Variants in DLG2 observed in about 807,000 individuals in gnomAD.
The protein encoded by DLG2 is disks large homolog 2.
Under a neutral mutation model 132.5 loss-of-function variants are expected in DLG2, and 45 were observed. The ratio of observed to expected loss-of-function variants is 0.34; its 90% CI spans 0.27 to 0.44. DLG2 has a LOEUF of 0.44. Among genes scored for constraint, DLG2 ranks in the 20% least tolerant of loss-of-function variants. The pLI is 1.00. For missense variants in DLG2, 1,045 were observed against 1,196.9 expected (o/e 0.87, Z 1.87); for synonymous variants, 424 against 419.6 (o/e 1.01, Z -0.13).
intron 3 of DLG2, among the ~76,000 whole-genome samples, chr11:85,514,369 G>C (rs2094134974): frequency 6.6e-6 from 1 of 151,984 alleles, no homozygotes; most frequent in Non-Finnish European, 1.5e-5. Flanking sequence ...ATGCCAACTG[G>C]CAATATCTGT....
Position 83,789,550 on chromosome 11 carries a change from CT to C in DLG2, c.1723-2759del, listed in dbSNP as rs200050358. On this transcript the variant is annotated intron_variant, in intron 17 of 27. Transcript: ENST00000376104. Reference sequence around the variant, plus strand: ...TCCCCACCCCTAAACAAACTGATGACTTTTTTTTTTTTTTTGAGACGAAGTC... The same window carrying C: ...TCCCCACCCCTAAACAAACTGATGACTTTTTTTTTTTTTTGAGACGAAGTC... Among the ~76,000 whole-genome samples, 1,007 of 143,860 alleles carry C rather than the reference CT, an allele frequency of 7.0e-3. 8 individuals carry two copies. The highest frequency in any genetic ancestry group is 0.017 in the African/African-American group (655 of 39,424). The allele number at this position is 143,860 out of a possible 152,430, so 94.4% of individuals were successfully genotyped here.
At chr11:84,401,331 T>C (rs2098828674) in intron 7 of DLG2, among the ~76,000 whole-genome samples, 1 of 152,140 alleles carries the variant, frequency 6.6e-6, no homozygotes. Context: ...TTATACACTT[T>C]TCACAACTTA....
intron 6 of DLG2, among the ~76,000 whole-genome samples, chr11:84,702,598 C>G (rs2059325135): frequency 6.6e-6 from 1 of 151,646 alleles, no homozygotes; most frequent in African/African-American, 2.4e-5. Context: ...TGTCTCAAAG[C>G]ACTTCTCACT....
At chr11:83,676,915 C>T (rs920572844) in intron 18 of DLG2, among the ~76,000 whole-genome samples, 5 of 152,100 alleles carry the variant, frequency 3.3e-5, no homozygotes, top group East Asian at 3.9e-4. Context: ...GCACTTGGCA[C>T]GTGGTCCATG....
At chr11:83,690,194 G>T (rs2080728033) in intron 18 of DLG2, among the ~76,000 whole-genome samples, 1 of 150,750 alleles carries the variant, frequency 6.6e-6, no homozygotes, top group African/African-American at 2.4e-5. Flanking sequence ...TACCACTGGG[G>T]TGCGTATAAT....
chr11:83,916,514 C>G (rs1476391069), intron 15 of DLG2, among the ~76,000 whole-genome samples: 2 of 152,022 alleles, frequency 1.3e-5, no homozygotes, highest in Admixed American at 6.6e-5. Context: ...TGGGGTTTCA[C>G]CATGTTGGCC....
At chr11:84,903,829 A>G (rs2091200477) in intron 6 of DLG2, among the ~76,000 whole-genome samples, 1 of 152,162 alleles carries the variant, frequency 6.6e-6, no homozygotes, top group Non-Finnish European at 1.5e-5. Context: ...TAATGATTAA[A>G]GGCAAGTTAC....
chr11:83,615,134 A>G (rs2060617395), intron 19 of DLG2, among the ~76,000 whole-genome samples: 1 of 152,178 alleles, frequency 6.6e-6, no homozygotes, highest in Admixed American at 6.5e-5. Flanking sequence ...AAGTTTAGGA[A>G]GCACCATTAC....
chr11:84,854,963 A>G (rs1365138762), intron 6 of DLG2, among the ~76,000 whole-genome samples: 2 of 151,978 alleles, frequency 1.3e-5, no homozygotes, highest in Non-Finnish European at 2.9e-5. Context: ...AAACCTCTCT[A>G]AGTATCTACC....
Position 84,857,364 on chromosome 11 carries a change from T to C in DLG2, c.357+254297A>G, listed in dbSNP as rs530018409. On this transcript the variant is annotated intron_variant, in intron 6 of 27. Coordinates refer to ENST00000376104, the MANE Select transcript of DLG2 (RefSeq NM_001142699.3). ...GTAAGATCAAGGCAACACATGATTA[T>C]GCAAAATAGCTAGCACAGTGAGTCC... 4.6e-5 allele frequency among the ~76,000 whole-genome samples: 7 copies of C among 151,402 alleles called. No individual in the cohort carries two copies. In the South Asian group the frequency reaches 1.5e-3, roughly 32 times the overall value.
chr11:84,977,447 G>C (rs1409559901), intron 6 of DLG2, among the ~76,000 whole-genome samples: 1 of 152,094 alleles, frequency 6.6e-6, no homozygotes, highest in African/African-American at 2.4e-5. Flanking sequence ...GGCTCTTGTT[G>C]TGAGATGAAG....
chr11:83,848,948 C>T (rs2059160356), intron 16 of DLG2, among the ~76,000 whole-genome samples: 1 of 152,162 alleles, frequency 6.6e-6, no homozygotes, highest in Admixed American at 6.5e-5. Flanking sequence ...TATTTGGGGG[C>T]ATTATAGCAC....
intron 6 of DLG2, among the ~76,000 whole-genome samples, chr11:84,929,071 A>C (rs1032970065): frequency 4.7e-4 from 66 of 140,856 alleles, no homozygotes; most frequent in Non-Finnish European, 8.4e-4. Context: ...TCAGCTCACA[A>C]GTAAAGATAT....
intron 3 of DLG2, among the ~76,000 whole-genome samples, chr11:85,353,400 C>G (rs545382454): frequency 1.3e-5 from 2 of 152,218 alleles, no homozygotes; most frequent in East Asian, 3.9e-4. Context: ...GGAGTGTAAA[C>G]TAGTTCAACC....
chr11:83,474,625 T>C (rs2136776925), intron 22 of DLG2, among the ~76,000 whole-genome samples: 1 of 152,224 alleles, frequency 6.6e-6, no homozygotes, highest in South Asian at 2.1e-4. Flanking sequence ...CTGAGTTTTA[T>C]TCATCACCAT....
chr11:85,478,691 T>C (rs1278500958), intron 3 of DLG2, among the ~76,000 whole-genome samples: 2 of 152,206 alleles, frequency 1.3e-5, no homozygotes, highest in Admixed American at 1.3e-4. Flanking sequence ...CATAATAATA[T>C]GTAAGTAGGG....
rs530698294 is a variant in DLG2, at chr11:85,607,332, C to A, written c.-92-8544G>T. Among the ~76,000 whole-genome samples, 5 of 152,262 alleles carry A rather than the reference C, an allele frequency of 3.3e-5. No individual in the cohort carries two copies. In the South Asian group the frequency reaches 6.2e-4, roughly 19 times the overall value. On this transcript the variant is annotated intron_variant, in intron 2 of 27. Coordinates refer to ENST00000376104, the MANE Select transcript of DLG2 (RefSeq NM_001142699.3). ...CATTTCCCGTACTTCTGGGCTGAGC[C>A]AAGGGTCGACAGAGGGGAAAGTCAT...
chr11:85,520,492 AT>A (rs2074212817), intron 3 of DLG2, among the ~76,000 whole-genome samples: 1 of 146,976 alleles, frequency 6.8e-6, no homozygotes, highest in Non-Finnish European at 1.5e-5. Context: ...ACAGAAAAAA[AT>A]AGTCCTAAAA....
intron 3 of DLG2, among the ~76,000 whole-genome samples, chr11:85,449,634 C>A (rs2092154929): frequency 6.6e-6 from 1 of 151,990 alleles, no homozygotes; most frequent in South Asian, 2.1e-4. Context: ...TGATTTATTT[C>A]TCATGTATTT....
Sources: allele counts gnomAD v4.1 joint callset (sites outside exome capture counted in the v4.1 genomes callset), GRCh38; gene constraint gnomAD v4.1.1; transcripts MANE v1.5; gene names NCBI Gene and HGNC (gene_info 2026-07-23, HGNC 2026-07-21).